The following ANO6 variants were observed in gnomAD, a reference collection of about 807,000 sequenced individuals.
The protein encoded by ANO6 is anoctamin-6.
Under a neutral mutation model 117.5 loss-of-function variants are expected in ANO6, and 106 were observed. That is an observed-to-expected ratio of 0.90 (90% CI 0.77 to 1.06). The LOEUF is 1.06. Among genes scored for constraint, ANO6 ranks in the 50% least tolerant of loss-of-function variants. ANO6 has a pLI of 0.00. For synonymous variants in ANO6, 367 were observed against 385.1 expected (o/e 0.95, Z 0.55); for missense variants, 955 against 1,121.1 (o/e 0.85, Z 2.12).
intron 2 of ANO6, among the ~76,000 whole-genome samples, chr12:45,303,386 A>G (rs1248732986): frequency 3.3e-5 from 5 of 152,228 alleles, no homozygotes; most frequent in African/African-American, 4.8e-5. Flanking sequence ...ACATTTGAGT[A>G]TGATACTGGT....
intron 9 of ANO6, among the ~76,000 whole-genome samples, chr12:45,373,059 A>G (rs1941893351): frequency 6.6e-6 from 1 of 152,166 alleles, no homozygotes; most frequent in South Asian, 2.1e-4. Context: ...AGGGGTTGCA[A>G]TCCTAGTCTC....
intron 12 of ANO6, among the ~76,000 whole-genome samples, chr12:45,400,935 C>T (rs1039767239): frequency 2.0e-5 from 3 of 152,178 alleles, no homozygotes; most frequent in Non-Finnish European, 2.9e-5. Context: ...GTGTCTAGTA[C>T]TGTGTATCAA....
chr12:45,366,788 A>G (rs1941696215), intron 8 of ANO6, among the ~76,000 whole-genome samples: 2 of 152,160 alleles, frequency 1.3e-5, no homozygotes, highest in Admixed American at 1.3e-4. Flanking sequence ...TTTTCTCCCT[A>G]TAAATCTTAA....
At position 45,417,419 on chromosome 12, in the gene ANO6, G is replaced by A. The variant is rs534871413; in HGVS notation, c.2217+515G>A. Among the ~76,000 whole-genome samples, 212 of 152,116 alleles carry A rather than the reference G, an allele frequency of 1.4e-3. 1 individual carries two copies. The highest frequency in any genetic ancestry group is 1.6e-3 in the Non-Finnish European group (107 of 68,014). On this transcript the variant is annotated intron_variant, in intron 17 of 19. Coordinates refer to ENST00000320560, the MANE Select transcript of ANO6 (RefSeq NM_001025356.3). ...CTCCAGAGCAGCAGCTCTTAAAGGA[G>A]GAAGGTGGGTGGGTTTCATCACCCT... is the stretch of plus-strand genomic sequence containing the variant.
chr12:45,274,148 C>G (rs1938474205), intron 1 of ANO6, among the ~76,000 whole-genome samples: 1 of 152,194 alleles, frequency 6.6e-6, no homozygotes, highest in African/African-American at 2.4e-5. Context: ...TGCCCTGACC[C>G]TCTTCCCCAT....
chr12:45,246,182 A>C (rs928349910), intron 1 of ANO6, among the ~76,000 whole-genome samples: 1 of 152,188 alleles, frequency 6.6e-6, no homozygotes, highest in Non-Finnish European at 1.5e-5. Flanking sequence ...CACTTTTCAT[A>C]ATATTATAAT....
intron 2 of ANO6, among the ~76,000 whole-genome samples, chr12:45,330,335 A>G (rs1184112724): frequency 6.6e-6 from 1 of 152,166 alleles, no homozygotes; most frequent in African/African-American, 2.4e-5. Context: ...TCGATAATGA[A>G]GAGGAGAATT....
At position 45,303,768 on chromosome 12, in the gene ANO6, A is replaced by G. The variant is rs76076449; in HGVS notation, c.150+1675A>G. ...TGCCCAGGGGTGGAACTCCGGGCTC[A>G]CAGAATACATTTACCTTATTGAAAG... On this transcript the variant is annotated intron_variant, in intron 2 of 19. Transcript: ENST00000320560. Among the ~76,000 whole-genome samples the G allele has an allele frequency of 9.6e-3, 1,460 of 152,332 alleles. 25 individuals are homozygous for G. The highest frequency in any genetic ancestry group is 0.033 in the African/African-American group (1,375 of 41,576).
In ANO6 at chr12:45,429,147, C is replaced by A; in HGVS notation, c.2569C>A (p.Pro857Thr). 3 of 1,613,782 alleles carry A rather than the reference C, an allele frequency of 1.9e-6. No homozygotes were observed. The highest frequency in any genetic ancestry group is 1.1e-5 in the South Asian group (1 of 91,058). ...SVKFFISYAI[P>T]DVSKRTKSKI... ...GAAATTTTTCATTTCATATGCAATT[C>A]CCGATGTATCAAAACGCACAAAGAG... Residue 857 changes from proline (P) to threonine (T), a missense_variant, in exon 20 of 20, where the codon CCC becomes ACC. Pro to Thr is a conservative substitution (Grantham distance 38, BLOSUM62 -1). Transcript: ENST00000320560.
At chr12:45,292,474 A>G (rs1939133841) in intron 1 of ANO6, among the ~76,000 whole-genome samples, 1 of 152,232 alleles carries the variant, frequency 6.6e-6, no homozygotes, top group African/African-American at 2.4e-5. Context: ...TTATGCTTAT[A>G]TATTACGTTA....
At chr12:45,262,422 T>G (rs1938068821) in intron 1 of ANO6, among the ~76,000 whole-genome samples, 1 of 146,198 alleles carries the variant, frequency 6.8e-6, no homozygotes, top group Admixed American at 6.8e-5. Flanking sequence ...TTTCCAGAGC[T>G]TTTTTTTTTT....
chr12:45,340,071 G>T (rs1040506236), intron 3 of ANO6, among the ~76,000 whole-genome samples: 2 of 152,022 alleles, frequency 1.3e-5, no homozygotes, highest in South Asian at 2.1e-4. Flanking sequence ...TGTGTAATTC[G>T]CAAGTAAGTC....
chr12:45,257,043 A>G (rs987000745), intron 1 of ANO6, among the ~76,000 whole-genome samples: 1 of 151,752 alleles, frequency 6.6e-6, no homozygotes, highest in Non-Finnish European at 1.5e-5. Context: ...GAGACCTTTG[A>G]ATTAAAAAAA....
intron 1 of ANO6, among the ~76,000 whole-genome samples, chr12:45,289,687 T>A (rs887307413): frequency 1.3e-5 from 2 of 152,240 alleles, no homozygotes; most frequent in African/African-American, 2.4e-5. Context: ...TTGTAGCTGA[T>A]TACTGGGGGA....
intron 19 of ANO6, among the ~76,000 whole-genome samples, chr12:45,425,162 A>C (rs1027613620): frequency 4.0e-5 from 6 of 148,812 alleles, no homozygotes; most frequent in Non-Finnish European, 9.0e-5. Flanking sequence ...AAATTAAAAT[A>C]AAATCATTGG....
intron 2 of ANO6, among the ~76,000 whole-genome samples, chr12:45,304,028 GGA>G (rs1352699845): frequency 5.9e-5 from 9 of 152,140 alleles, no homozygotes; most frequent in Non-Finnish European, 1.0e-4. Flanking sequence ...AACATGTTCG[GGA>G]GAGAATCTGG....
At position 45,401,855 on chromosome 12, in the gene ANO6, G is replaced by T. The variant is rs1342033989; in HGVS notation, c.1447G>T (p.Val483Leu). 6.2e-7 allele frequency: 1 copy of T among 1,613,780 alleles called. No homozygotes were observed. The highest frequency in any genetic ancestry group is 1.1e-5 in the South Asian group (1 of 91,066). Reference protein sequence around the residue: ...IIVYRLSVFIVFSAKLPKNIN... With the variant: ...IIVYRLSVFILFSAKLPKNIN... ...TGTCTATAGGCTCTCGGTGTTCATT[G>T]TATTTTCTGCAAAACTTCCCAAGAA... Residue 483 changes from valine to leucine, a missense_variant, in exon 13 of 20, where the codon GTA becomes TTA. Physicochemically the swap from Val to Leu is conservative, Grantham distance 32. Transcript: ENST00000320560.
chr12:45,287,747 C>T (rs1026671376), intron 1 of ANO6, among the ~76,000 whole-genome samples: 3 of 152,130 alleles, frequency 2.0e-5, no homozygotes, highest in Non-Finnish European at 2.9e-5. Flanking sequence ...AGGGAAGACA[C>T]AGTGGAGGGT....
chr12:45,247,558 A>C (rs1047175746), intron 1 of ANO6, among the ~76,000 whole-genome samples: 3 of 152,232 alleles, frequency 2.0e-5, no homozygotes, highest in Non-Finnish European at 4.4e-5. Context: ...TAGGTCTGCC[A>C]TAACAATGTA....
Sources: allele counts gnomAD v4.1 joint callset (sites outside exome capture counted in the v4.1 genomes callset), GRCh38; gene constraint gnomAD v4.1.1; transcripts MANE v1.5; gene names NCBI Gene and HGNC (gene_info 2026-07-23, HGNC 2026-07-21).